TRPM3: variants seen among roughly 807,000 people sequenced by gnomAD.
TRPM3 encodes the protein long transient receptor potential channel 3.
TRPM3 carries 77 observed loss-of-function variants against 181.2 expected under a neutral mutation model. That is an observed-to-expected ratio of 0.42 (90% CI 0.35 to 0.51). TRPM3 has a LOEUF of 0.51. Ranked by LOEUF, TRPM3 falls within the 20% of genes least tolerant of loss-of-function variation. The pLI is 0.01. For synonymous variants in TRPM3, 745 were observed against 796.4 expected (o/e 0.94, Z 1.09); for missense variants, 1,759 against 2,196.7 (o/e 0.80, Z 3.98).
intron 1 of TRPM3, among the ~76,000 whole-genome samples, chr9:71,164,070 G>A (rs2076404155): frequency 6.6e-6 from 1 of 152,114 alleles, no homozygotes; most frequent in African/African-American, 2.4e-5. Context: ...AAAGGATGCA[G>A]GGGCACCTCC....
At chr9:70,568,384 G>C (rs1010328074) in intron 22 of TRPM3, among the ~76,000 whole-genome samples, 2 of 152,172 alleles carry the variant, frequency 1.3e-5, no homozygotes, top group Non-Finnish European at 2.9e-5. Flanking sequence ...TACAATATCT[G>C]ATTGTTACAA....
intron 1 of TRPM3, among the ~76,000 whole-genome samples, chr9:71,112,164 C>T (rs774233014): frequency 6.4e-4 from 98 of 152,184 alleles, no homozygotes; most frequent in Non-Finnish European, 1.1e-3. Flanking sequence ...GCAAGTTTAA[C>T]AGTACAGTTT....
intron 19 of TRPM3, among the ~76,000 whole-genome samples, chr9:70,604,942 A>G (rs1403274475): frequency 1.5e-5 from 2 of 137,286 alleles, no homozygotes; most frequent in Non-Finnish European, 3.1e-5. Context: ...ATGAGCCACC[A>G]TGCTCAGCTG....
In TRPM3 at chr9:70,818,532, C is replaced by CT. The variant is rs1379944123; in HGVS notation, c.973+9314dup. Reference sequence around the variant, plus strand: ...AGGATTTCTCTGCGCATCAAGGACTCTGACAGGAAGGTGCTCAGCTTTGAG... The same window carrying CT: ...AGGATTTCTCTGCGCATCAAGGACTCTTGACAGGAAGGTGCTCAGCTTTGAG... On this transcript the variant is annotated intron_variant, in intron 6 of 25. Coordinates refer to ENST00000677713, the MANE Select transcript of TRPM3 (RefSeq NM_001366145.2). Among the ~76,000 whole-genome samples the CT allele has an allele frequency of 9.9e-5, 15 of 152,272 alleles. 1 individual carries two copies. Among genetic ancestry groups the CT allele is most frequent in the Admixed American group, 7.2e-4 (11 of 15,290 alleles).
intron 1 of TRPM3, among the ~76,000 whole-genome samples, chr9:71,377,149 C>T (rs2092686471): frequency 1.3e-5 from 2 of 152,048 alleles, no homozygotes; most frequent in African/African-American, 4.8e-5. Flanking sequence ...GTTCTCTGTA[C>T]CACGCAACAC....
intron 1 of TRPM3, among the ~76,000 whole-genome samples, chr9:71,170,778 G>C (rs920595462): frequency 2.0e-5 from 3 of 152,094 alleles, no homozygotes; most frequent in Non-Finnish European, 4.4e-5. Context: ...TGCATTAACT[G>C]CACAAATTGT....
chr9:71,186,603 A>C (rs2077695230), intron 1 of TRPM3, among the ~76,000 whole-genome samples: 1 of 152,080 alleles, frequency 6.6e-6, no homozygotes, highest in Non-Finnish European at 1.5e-5. Flanking sequence ...AATCATGGCA[A>C]TATGTGGTCA....
intron 1 of TRPM3, among the ~76,000 whole-genome samples, chr9:71,346,727 CT>C (rs1463526563): frequency 6.6e-6 from 1 of 152,104 alleles, no homozygotes; most frequent in Non-Finnish European, 1.5e-5. Context: ...ATCTTGTTGT[CT>C]TGGCTGAAAC....
intron 1 of TRPM3, among the ~76,000 whole-genome samples, chr9:71,070,759 G>C (rs1284364718): frequency 6.6e-6 from 1 of 152,150 alleles, no homozygotes; most frequent in Admixed American, 6.5e-5. Flanking sequence ...ATAAATCTTT[G>C]TCTCTGTAGC....
intron 1 of TRPM3, among the ~76,000 whole-genome samples, chr9:71,248,513 T>C (rs2132006658): frequency 6.6e-6 from 1 of 152,346 alleles, no homozygotes. Context: ...TTAACCAACT[T>C]GGAACCATCA....
In TRPM3 at chr9:71,344,747, A is replaced by C. The variant is rs1292596390; in HGVS notation, c.183+101906T>G. On this transcript the variant is annotated intron_variant, in intron 1 of 24. Coordinates refer to the TRPM3 transcript ENST00000357533. ...AAGTTATAAACTAGATTTCCTCAAA[A>C]TTAAAAGCTTCTGCTCATCACATAA... 2.0e-5 allele frequency among the ~76,000 whole-genome samples: 3 copies of C among 152,334 alleles called. No homozygotes were observed. The East Asian group carries it at 5.8e-4, about 29-fold the overall frequency.
chr9:71,244,231 A>T (rs1380676523), intron 1 of TRPM3, among the ~76,000 whole-genome samples: 2 of 152,156 alleles, frequency 1.3e-5, no homozygotes, highest in Non-Finnish European at 2.9e-5. Flanking sequence ...TCCTCATCTT[A>T]TAAGAAAAGA....
chr9:71,330,588 A>G (rs74753925), intron 1 of TRPM3, among the ~76,000 whole-genome samples: 1,741 of 152,010 alleles, frequency 0.011, 44 homozygotes, highest in African/African-American at 0.033. Flanking sequence ...ATAGCAGAAA[A>G]AGCACAGATT....
chr9:71,085,095 G>A (rs542231726), intron 1 of TRPM3, among the ~76,000 whole-genome samples: 1 of 152,106 alleles, frequency 6.6e-6, no homozygotes, highest in South Asian at 2.1e-4. Context: ...GAATGAAACT[G>A]AACCCCTACT....
At chr9:71,292,725 CA>C (rs2085921303) in intron 1 of TRPM3, among the ~76,000 whole-genome samples, 1 of 151,762 alleles carries the variant, frequency 6.6e-6, no homozygotes, top group Non-Finnish European at 1.5e-5. Flanking sequence ...TTCAAGGAAT[CA>C]ATAACCTCGA....
chr9:71,088,995 C>G (rs1181888353), intron 1 of TRPM3, among the ~76,000 whole-genome samples: 1 of 151,216 alleles, frequency 6.6e-6, no homozygotes, highest in East Asian at 1.9e-4. Context: ...TAGTACATAT[C>G]TCTGAAAAAT....
In TRPM3 at chr9:71,183,285, C is replaced by G. The variant is rs73647960; in HGVS notation, c.183+263368G>C. On this transcript the variant is annotated intron_variant, in intron 1 of 24. Coordinates refer to the TRPM3 transcript ENST00000357533. ...CATTTTGTCCTCACCACTACCTGTT[C>G]GTCTCCTGCCAAGTTCTCTAAGGAT... 9.7e-3 allele frequency among the ~76,000 whole-genome samples: 1,480 copies of G among 152,208 alleles called. 31 individuals are homozygous for G. Among genetic ancestry groups the G allele is most frequent in the African/African-American group, 0.034 (1,429 of 41,548 alleles).
At chr9:70,654,558 A>AC (rs1240228381) in intron 9 of TRPM3, among the ~76,000 whole-genome samples, 3 of 152,146 alleles carry the variant, frequency 2.0e-5, no homozygotes, top group African/African-American at 7.2e-5. Flanking sequence ...TGAGCAGCAC[A>AC]CATCGATCCA....
chr9:70,770,364 T>C (rs1232151179), intron 7 of TRPM3, among the ~76,000 whole-genome samples: 1 of 152,258 alleles, frequency 6.6e-6, no homozygotes, highest in Non-Finnish European at 1.5e-5. Context: ...ATCTTGCCCA[T>C]AGAAGTTCTC....
Sources: gnomAD v4.1 joint callset for allele counts (sites outside exome capture counted in the v4.1 genomes callset) on GRCh38, gnomAD v4.1.1 for gene constraint, MANE v1.5 for transcripts, NCBI Gene and HGNC (gene_info 2026-07-23, HGNC 2026-07-21) for gene names.